Variants in SEC14L3 observed in about 807,000 individuals in gnomAD.
SEC14L3 encodes SEC14 like lipid binding 3.
SEC14L3 carries 56 observed loss-of-function variants against 57.4 expected under a neutral mutation model. The ratio of observed to expected loss-of-function variants is 0.97; its 90% confidence interval spans 0.79 to 1.22. The LOEUF is 1.22. SEC14L3 is among the 50% of genes most tolerant of loss of function. The probability of loss-of-function intolerance (pLI) is 0.00; values close to 1 mark genes in which losing one functional copy is unlikely to be tolerated. For missense variants in SEC14L3, 485 were observed against 511.7 expected (o/e 0.95, Z 0.50); for synonymous variants, 173 against 194.4 (o/e 0.89, Z 0.92).
At position 30,461,471 on chromosome 22, in the gene SEC14L3, A is replaced by G. The variant is rs1935259353; in HGVS notation, c.920T>C (p.Phe307Ser). 6.2e-7 allele frequency: 1 copy of G among 1,613,504 alleles called. No homozygotes were observed. The highest frequency in any genetic ancestry group is 1.1e-5 in the South Asian group (1 of 91,036). ...LFPGCVLRWQ[F>S]SSDGADIGFG... ...GCCGATGTCCGCACCATCAGATGAG[A>G]ACTGCCACCTGTCAGGGGGAGGGGG... is the stretch of plus-strand genomic sequence containing the variant. The change falls in exon 11 of 12, where the codon TTC becomes TCC. Residue 307 changes from phenylalanine (F) to serine (S), a missense_variant. Phe to Ser is a radical substitution (Grantham distance 155). Transcript: ENST00000215812.
intron 9 of SEC14L3, 54 bp from the exon 10 acceptor site, chr22:30,461,748 T>C: frequency 6.4e-7 from 1 of 1,569,338 alleles, no homozygotes; most frequent in Non-Finnish European, 8.6e-7. Context: ...ATTGTTCATG[T>C]TTCTTCTGCC....
chr22:30,470,913 G>A (rs757100660), intron 1 of SEC14L3, among the ~76,000 whole-genome samples: 4 of 152,166 alleles, frequency 2.6e-5, no homozygotes, highest in Non-Finnish European at 2.9e-5. Flanking sequence ...ATGGACAGAG[G>A]AGAGATGGGT....
At chr22:30,459,227 A>G (rs1347382824), downstream of SEC14L3, 1 of 978,906 alleles carries the variant, frequency 1.0e-6, no homozygotes, top group East Asian at 1.1e-4. Context: ...GCACTCGCCA[A>G]ATGATAGTTG....
downstream of SEC14L3, among the ~76,000 whole-genome samples, chr22:30,454,560 T>C (rs1935049642): frequency 1.1e-5 from 1 of 93,732 alleles, no homozygotes; most frequent in Non-Finnish European, 2.1e-5. Context: ...TAATCTATAA[T>C]AATATTATAT....
At chr22:30,455,219 TAATA>T (rs1935099360), downstream of SEC14L3, among the ~76,000 whole-genome samples, 1 of 124,592 alleles carries the variant, frequency 8.0e-6, no homozygotes, top group South Asian at 2.3e-4. Context: ...AAATATTAAA[TAATA>T]TAATATATAA....
chr22:30,465,836 A>T (rs1935399981), intron 7 of SEC14L3, among the ~76,000 whole-genome samples: 1 of 152,176 alleles, frequency 6.6e-6, no homozygotes, highest in South Asian at 2.1e-4. Context: ...ATCACCAAAC[A>T]TCCATCCATC....
At position 30,471,925 on chromosome 22, in the gene SEC14L3, G is replaced by T. The variant is rs1482096124; in HGVS notation, c.34C>A (p.Gln12Lys). Residue 12 changes from glutamine to lysine, a missense_variant, in exon 1 of 12, where the codon CAG becomes AAG. By Grantham distance (53) the Gln-to-Lys change is moderately conservative. Transcript: ENST00000215812. ...CTCACCTTGGCCAGGGTCTCTGCCT[G>T]TTTGGGGCTCAGGTCTCCAACTCGG... The part of the protein sequence containing the change: ...SGRVGDLSPK[Q>K]AETLAKFREN... The T allele has an allele frequency of 6.2e-7, 1 of 1,612,044 alleles. No individual in the cohort carries two copies. Among genetic ancestry groups the T allele is most frequent in the African/African-American group, 1.3e-5 (1 of 74,736 alleles).
chr22:30,471,295 A>G (rs1569233193), intron 1 of SEC14L3: 1 of 455,814 alleles, frequency 2.2e-6, no homozygotes, highest in South Asian at 1.6e-5. Flanking sequence ...AAAAGAAGAA[A>G]AAGAAGAAGA....
Position 30,452,718 on chromosome 22 carries a change from T to C in SEC14L3, c.905-3474A>G, listed in dbSNP as rs553414994. On this transcript the variant is annotated intron_variant, in intron 12 of 12. Transcript: ENST00000403066. ...CTCTTCCTCTTTCTTTCTTTCTTTC[T>C]TTTTTTTTTTTTTTTGACAGGTTCT... Among the ~76,000 whole-genome samples, 356 of 70,072 alleles carry C rather than the reference T, an allele frequency of 5.1e-3. 4 individuals carry two copies. The highest frequency in any genetic ancestry group is 0.013 in the African/African-American group (344 of 26,582). The allele number at this position is 70,072 out of a possible 152,430, so 46.0% of individuals were successfully genotyped here.
At chr22:30,457,537 C>A (rs1486832316), downstream of SEC14L3, among the ~76,000 whole-genome samples, 1 of 151,904 alleles carries the variant, frequency 6.6e-6, no homozygotes, top group Non-Finnish European at 1.5e-5. Flanking sequence ...TATGTGCTAC[C>A]TCCCCAGGCT....
intron 11 of SEC14L3, 34 bp from the exon 12 acceptor site, chr22:30,460,176 TG>T: frequency 6.2e-7 from 1 of 1,610,800 alleles, no homozygotes; most frequent in Non-Finnish European, 8.5e-7. Flanking sequence ...GCATTGGGCT[TG>T]GCTTTACACA....
At chr22:30,457,423 C>G (rs1935138655), downstream of SEC14L3, among the ~76,000 whole-genome samples, 1 of 134,822 alleles carries the variant, frequency 7.4e-6, no homozygotes. Context: ...TGCTCTGTTG[C>G]TCAGGCTGGA....
downstream of SEC14L3, among the ~76,000 whole-genome samples, chr22:30,455,225 AATATATAATATTTAATATATT>A (rs1935099922): frequency 7.9e-6 from 1 of 126,088 alleles, no homozygotes; most frequent in South Asian, 2.2e-4. Flanking sequence ...TAAATAATAT[AATATATAATATTTAATATATT>A]ATATATAATA....
exon 13 of SEC14L3, chr22:30,449,159 C>G: frequency 6.4e-7 from 1 of 1,550,556 alleles, no homozygotes. Context: ...CCATCACTTG[C>G]GAGTTTGAGT....
chr22:30,462,097 A>G lies in SEC14L3; in HGVS notation c.760T>C (p.Cys254Arg). The G allele has an allele frequency of 6.2e-7, 1 of 1,614,064 alleles. No homozygotes were observed. Among genetic ancestry groups the G allele is most frequent in the Admixed American group, 1.7e-5 (1 of 60,016 alleles). ...TLTDPDGNPK[C>R]LTKINYGGEI... ...AGGGCTCTTTGTACCTTGGTTAAACATTTGGGGTTCCCATCTGGGTCAGTC... is the reference window on the plus strand; with the variant it reads ...AGGGCTCTTTGTACCTTGGTTAAACGTTTGGGGTTCCCATCTGGGTCAGTC... The change falls in exon 9 of 12, where the codon TGT becomes CGT. Residue 254 changes from cysteine to arginine, a missense_variant. Physicochemically the swap from Cys to Arg is radical, Grantham distance 180 (BLOSUM62 -3). Transcript: ENST00000215812.
At chr22:30,456,070 G>A (rs1348044834), downstream of SEC14L3, among the ~76,000 whole-genome samples, 1 of 152,162 alleles carries the variant, frequency 6.6e-6, no homozygotes, top group Non-Finnish European at 1.5e-5. Flanking sequence ...CACTTCGGGA[G>A]GCCAAGGTGT....
intron 11 of SEC14L3, among the ~76,000 whole-genome samples, chr22:30,460,844 A>G (rs1935232571): frequency 6.6e-6 from 1 of 151,842 alleles, no homozygotes; most frequent in Admixed American, 6.6e-5. Context: ...AAAAAAAAAA[A>G]AAAAAAAGAG....
In SEC14L3 at chr22:30,459,723, A is replaced by G. The variant is rs1236287118; in HGVS notation, c.*298T>C. 9.3e-6 allele frequency: 10 copies of G among 1,071,754 alleles called. No individual in the cohort carries two copies. Among genetic ancestry groups the G allele is most frequent in the Non-Finnish European group, 1.1e-5 (10 of 881,854 alleles). The allele number at this position is 1,071,754 out of a possible 1,614,324, so 66.4% of individuals were successfully genotyped here. A position where few individuals can be genotyped will look rare whatever the true frequency, so the allele number is the denominator to read the frequency against. The stretch of plus-strand genomic sequence containing the variant: ...CAAGCATACACACCTGCCTTAGGGT[A>G]GGTGAGGACAAAGGCTAGGGGATTC... On this transcript the variant is annotated 3_prime_UTR_variant, in exon 12 of 12. Coordinates refer to ENST00000215812, the MANE Select transcript of SEC14L3 (RefSeq NM_174975.5).
At chr22:30,471,215 A>G (rs1935599525) in intron 1 of SEC14L3, 3 of 431,650 alleles carry the variant, frequency 7.0e-6, no homozygotes, top group Non-Finnish European at 1.4e-5. Context: ...AACCTGGGAG[A>G]CAGAGGCTGC....
Sources: gnomAD v4.1 joint callset for allele counts (sites outside exome capture counted in the v4.1 genomes callset) on GRCh38, gnomAD v4.1.1 for gene constraint, MANE v1.5 for transcripts, NCBI Gene and HGNC (gene_info 2026-07-23, HGNC 2026-07-21) for gene names.